SGCD: variants seen among roughly 807,000 people sequenced by gnomAD.
SGCD encodes delta-sarcoglycan.
A neutral mutation model predicts 36.6 loss-of-function variants in SGCD; 18 were observed. The observed-to-expected ratio is 0.49, with a 90% CI of 0.34 to 0.73. The LOEUF is 0.73. Among genes scored for constraint, SGCD ranks in the 30% least tolerant of loss-of-function variants. The pLI is 0.01. For missense variants in SGCD, 387 were observed against 346.7 expected, an observed-to-expected ratio of 1.12 and a Z score of -0.92; for synonymous variants, 133 against 130.6, an observed-to-expected ratio of 1.02 and a Z score of -0.12.
At chr5:156,359,893 A>G (rs1268497971) in intron 3 of SGCD, among the ~76,000 whole-genome samples, 1 of 152,180 alleles carries the variant, frequency 6.6e-6, no homozygotes, top group Non-Finnish European at 1.5e-5. Context: ...CACCTACTGA[A>G]CTTAGAAAGG....
intron 3 of SGCD, among the ~76,000 whole-genome samples, chr5:156,140,614 G>T (rs572483316): frequency 6.6e-6 from 1 of 152,094 alleles, no homozygotes; most frequent in South Asian, 2.1e-4. Context: ...AGTGTTTAGG[G>T]TGCTGCATGG....
chr5:155,917,292 G>A (rs1756765784), intron 1 of SGCD, among the ~76,000 whole-genome samples: 1 of 152,142 alleles, frequency 6.6e-6, no homozygotes, highest in Non-Finnish European at 1.5e-5. Flanking sequence ...AAGTATGTGA[G>A]GGTGGGCCTC....
intron 3 of SGCD, among the ~76,000 whole-genome samples, chr5:156,498,082 A>G (rs1756276370): frequency 6.6e-6 from 1 of 152,046 alleles, no homozygotes. Flanking sequence ...CCTTTAGTAA[A>G]CCCACACAAA....
chr5:156,055,090 T>C (rs2127582238), intron 1 of SGCD, among the ~76,000 whole-genome samples: 1 of 146,516 alleles, frequency 6.8e-6, no homozygotes, highest in South Asian at 2.2e-4. Flanking sequence ...TCAGGTAGTA[T>C]GTGAGAGAAA....
rs575885753 is a variant in SGCD at position 156,558,492 on chromosome 5, A to G, written c.295-30739A>G. On this transcript the variant is annotated intron_variant, in intron 4 of 8. Coordinates refer to ENST00000337851, the MANE Select transcript of SGCD (RefSeq NM_000337.6). The stretch of plus-strand genomic sequence containing the variant: ...TTACTACTTGCATGTGTACATGACT[A>G]TATCCTTCATGCAGATAACCAATTT... Among the ~76,000 whole-genome samples, 20 of 152,216 alleles carry G rather than the reference A, an allele frequency of 1.3e-4. 1 individual carries two copies. Among genetic ancestry groups the G allele is most frequent in the African/African-American group, 4.1e-4 (17 of 41,542 alleles).
chr5:155,908,885 A>C (rs561981453), intron 1 of SGCD, among the ~76,000 whole-genome samples: 2 of 152,128 alleles, frequency 1.3e-5, no homozygotes, highest in African/African-American at 4.8e-5. Flanking sequence ...TCTACCTTGC[A>C]CCATAGTAGG....
chr5:155,853,742 A>G, the SGCD span, among the ~76,000 whole-genome samples: 74,370 of 152,022 alleles, frequency 0.49, 18,560 homozygotes, highest in Admixed American at 0.64. Context: ...GTAAACCATC[A>G]TTTTGCTTAA....
At chr5:155,940,669 C>G (rs1287713392) in intron 1 of SGCD, among the ~76,000 whole-genome samples, 1 of 151,996 alleles carries the variant, frequency 6.6e-6, no homozygotes, top group Non-Finnish European at 1.5e-5. Context: ...ATGGTGAAAC[C>G]CCGTCTCTAC....
At chr5:156,099,467 T>C (rs1761467589) in intron 1 of SGCD, among the ~76,000 whole-genome samples, 1 of 152,226 alleles carries the variant, frequency 6.6e-6, no homozygotes, top group South Asian at 2.1e-4. Context: ...CAGAGTGGAA[T>C]GCAGTGGCGC....
At chr5:156,349,118 A>G (rs1263026052) in intron 3 of SGCD, among the ~76,000 whole-genome samples, 1 of 152,126 alleles carries the variant, frequency 6.6e-6, no homozygotes, top group African/African-American at 2.4e-5. Flanking sequence ...TGAAAGACTT[A>G]AAGACCTGAA....
Position 156,764,956 on chromosome 5 carries a change from C to G in SGCD, c.*5566C>G, listed in dbSNP as rs1355488662. On this transcript the variant is annotated 3_prime_UTR_variant, in exon 9 of 9. Transcript: ENST00000337851. Reference sequence around the variant, plus strand: ...AAGCATGTTTACTGTCTAAATCCACCTGTTGCAGTAGGAAGCCAGAGTGGG... The same window carrying G: ...AAGCATGTTTACTGTCTAAATCCACGTGTTGCAGTAGGAAGCCAGAGTGGG... 1.3e-5 allele frequency: 2 copies of G among 152,162 alleles called. No individual in the cohort carries two copies. The highest frequency in any genetic ancestry group is 6.6e-5 in the Admixed American group (1 of 15,266). The allele number at this position is 152,162 out of a possible 1,614,324, so 9.4% of individuals were successfully genotyped here.
At chr5:156,752,400 T>C (rs1276978864) in intron 7 of SGCD, among the ~76,000 whole-genome samples, 1 of 152,148 alleles carries the variant, frequency 6.6e-6, no homozygotes, top group Non-Finnish European at 1.5e-5. Flanking sequence ...TTCTTTCTTT[T>C]TTTCCCCCCC....
intron 3 of SGCD, among the ~76,000 whole-genome samples, chr5:156,261,313 T>A (rs910603437): frequency 2.0e-5 from 3 of 152,224 alleles, no homozygotes; most frequent in Non-Finnish European, 1.5e-5. Context: ...TTTTGGTGTA[T>A]GTTTTCCTGG....
chr5:156,179,740 C>T (rs1010348415), intron 3 of SGCD, among the ~76,000 whole-genome samples: 5 of 151,580 alleles, frequency 3.3e-5, no homozygotes, highest in African/African-American at 1.2e-4. Context: ...TCTTCTGCCT[C>T]AGCCTCCCCA....
At chr5:156,617,626 C>T (rs1762066675) in intron 6 of SGCD, among the ~76,000 whole-genome samples, 1 of 152,196 alleles carries the variant, frequency 6.6e-6, no homozygotes, top group South Asian at 2.1e-4. Flanking sequence ...CAAGAGATGA[C>T]TGGCTGAGGA....
chr5:156,645,952 T>G (rs1561835191), intron 6 of SGCD, among the ~76,000 whole-genome samples: 1 of 152,158 alleles, frequency 6.6e-6, no homozygotes, highest in African/African-American at 2.4e-5. Context: ...CATTCAGCCT[T>G]CCAAGATTCC....
chr5:156,071,317 T>C (rs1213858358), intron 1 of SGCD, among the ~76,000 whole-genome samples: 4 of 152,230 alleles, frequency 2.6e-5, no homozygotes, highest in Admixed American at 1.3e-4. Flanking sequence ...TCCCAGAGAT[T>C]CTGGTATGTT....
At chr5:156,713,758 A>G (rs1042953964) in intron 7 of SGCD, among the ~76,000 whole-genome samples, 2 of 152,218 alleles carry the variant, frequency 1.3e-5, no homozygotes, top group African/African-American at 2.4e-5. Context: ...GCATCTCAAA[A>G]TATGCCAAAG....
intron 1 of SGCD, among the ~76,000 whole-genome samples, chr5:155,983,268 A>G (rs1204154051): frequency 6.6e-6 from 1 of 152,200 alleles, no homozygotes; most frequent in African/African-American, 2.4e-5. Context: ...ACAGTTAAGT[A>G]TCTTTCCTAC....
Sources: gnomAD v4.1 joint callset for allele counts (sites outside exome capture counted in the v4.1 genomes callset) on GRCh38, gnomAD v4.1.1 for gene constraint, MANE v1.5 for transcripts, NCBI Gene and HGNC (gene_info 2026-07-23, HGNC 2026-07-21) for gene names.